The following PTPRM variants were observed in gnomAD, a reference collection of about 807,000 sequenced individuals.
PTPRM encodes the protein protein tyrosine phosphatase receptor type M.
In PTPRM, 47 loss-of-function variants were observed where a neutral mutation model predicts 186.7. The ratio of observed to expected loss-of-function variants is 0.25; its 90% CI spans 0.20 to 0.32. The LOEUF (loss-of-function observed/expected upper bound fraction) is 0.32, where lower values mean the gene tolerates loss of function less well. PTPRM is among the 10% of genes least tolerant of loss of function. PTPRM has a pLI of 1.00. For missense variants in PTPRM, 1,494 were observed against 1,865.0 expected (o/e 0.80, Z 3.66); for synonymous variants, 668 against 674.9 (o/e 0.99, Z 0.16).
intron 1 of PTPRM, among the ~76,000 whole-genome samples, chr18:7,717,390 T>G (rs2040358117): frequency 6.6e-6 from 1 of 152,118 alleles, no homozygotes; most frequent in Non-Finnish European, 1.5e-5. Context: ...ACGGCTGGAC[T>G]TGAGGGAAAG....
intron 1 of PTPRM, among the ~76,000 whole-genome samples, chr18:7,693,416 A>G (rs376244992): frequency 6.6e-6 from 1 of 152,190 alleles, no homozygotes; most frequent in African/African-American, 2.4e-5. Flanking sequence ...CCAAAGACCT[A>G]CCTTCCTACC....
rs202039623 is a variant in PTPRM at position 7,568,848 on chromosome 18, A to G, written c.73+957A>G. On this transcript the variant is annotated intron_variant, in intron 1 of 32. Transcript: ENST00000580170. The surrounding 1 kb of genome is among the most constrained non-coding windows in gnomAD (Gnocchi z 5.1). ...ACCCGGCACGCTGTCACAGGGGTTT[A>G]CAACCAGGATGACCTTTATTACCTG... Among the ~76,000 whole-genome samples the G allele has an allele frequency of 1.3e-5, 2 of 152,174 alleles. No homozygotes were observed. Among genetic ancestry groups the G allele is most frequent in the Non-Finnish European group, 1.5e-5 (1 of 68,034 alleles).
chr18:8,018,971 T>C (rs1228801994), intron 7 of PTPRM, among the ~76,000 whole-genome samples: 1 of 152,178 alleles, frequency 6.6e-6, no homozygotes, highest in African/African-American at 2.4e-5. Flanking sequence ...CCATCCGTAA[T>C]AACGACAGTA....
At chr18:7,753,251 ATTG>A (rs1473854270) in intron 1 of PTPRM, among the ~76,000 whole-genome samples, 2 of 152,158 alleles carry the variant, frequency 1.3e-5, no homozygotes, top group East Asian at 3.9e-4. Context: ...GTGTGTCCGT[ATTG>A]TTTTGATTGT....
intron 1 of PTPRM, among the ~76,000 whole-genome samples, chr18:7,758,976 CTG>C (rs1170851473): frequency 2.0e-5 from 3 of 152,118 alleles, no homozygotes; most frequent in African/African-American, 7.2e-5. Context: ...CGGAGGGAGT[CTG>C]TGATCAGGGA....
chr18:8,393,782 G>C (rs1355147123), intron 31 of PTPRM, among the ~76,000 whole-genome samples: 1 of 13,654 alleles, frequency 7.3e-5, no homozygotes, highest in African/African-American at 1.6e-4. Flanking sequence ...CAATGGATTT[G>C]TTGTTGTTGT....
Position 8,354,144 on chromosome 18 carries a change from C to T in PTPRM, c.3054+10624C>T, listed in dbSNP as rs572386172. ...AGGAGAATCGCTTGAACCCAGGAGG[C>T]GGAGGTTGCAGTGAGCCTAGATCGC... On this transcript the variant is annotated intron_variant, in intron 23 of 32. Coordinates refer to ENST00000580170, the MANE Select transcript of PTPRM (RefSeq NM_001105244.2). 9.9e-5 allele frequency among the ~76,000 whole-genome samples: 15 copies of T among 150,910 alleles called. No homozygotes were observed. The East Asian group carries it at 2.3e-3, about 24-fold the overall frequency.
At chr18:8,358,800 C>A (rs1209079575) in intron 23 of PTPRM, among the ~76,000 whole-genome samples, 2 of 152,174 alleles carry the variant, frequency 1.3e-5, no homozygotes, top group Non-Finnish European at 2.9e-5. Context: ...GTATGAGTGA[C>A]TGTTTCAGGA....
chr18:7,657,269 C>G (rs73387584), intron 1 of PTPRM, among the ~76,000 whole-genome samples: 5 of 152,002 alleles, frequency 3.3e-5, no homozygotes, highest in Non-Finnish European at 5.9e-5. Context: ...CAGTGAAGCC[C>G]GTGAACTGAC....
At chr18:8,183,626 TGTTAACCAATGGGAGGAATAAAATA>T (rs1216400129) in intron 14 of PTPRM, among the ~76,000 whole-genome samples, 12 of 152,176 alleles carry the variant, frequency 7.9e-5, no homozygotes, top group African/African-American at 1.9e-4. Context: ...CCAGGCACCG[TGTTAACCAATGGGAGGAATAAAATA>T]GTTAACCAAT....
chr18:8,376,344 T>C, intron 25 of PTPRM, 118 bp from the exon 26 acceptor site: 1 of 1,549,826 alleles, frequency 6.5e-7, no homozygotes, highest in Non-Finnish European at 8.8e-7. Flanking sequence ...CACTGGAGTG[T>C]ACCTTTTAAG....
chr18:7,625,041 C>CT (rs775006712), intron 1 of PTPRM, among the ~76,000 whole-genome samples: 1 of 152,088 alleles, frequency 6.6e-6, no homozygotes, highest in Non-Finnish European at 1.5e-5. Context: ...CTTTTTGCCT[C>CT]TAACAGAATT....
At chr18:7,884,924 CAAAAAAAA>C (rs56724615) in intron 2 of PTPRM, among the ~76,000 whole-genome samples, 154 of 37,832 alleles carry the variant, frequency 4.1e-3, no homozygotes, top group African/African-American at 0.013. Context: ...AGCTCCATCT[CAAAAAAAA>C]AAAAAAAAAA....
In PTPRM at chr18:8,376,069, G is replaced by A. The variant is rs1010177546; in HGVS notation, c.3195G>A (p.Glu1065=). 4.3e-6 allele frequency: 7 copies of A among 1,612,594 alleles called. No individual in the cohort carries two copies. The African/African-American group carries it at 6.7e-5, about 15-fold the overall frequency. Reference sequence around the variant, plus strand: ...AGAGAGGTGTGCATGAAATCCGAGAGATCAGACAGTTTCACTTCACTGGCT... The same window carrying A: ...AGAGAGGTGTGCATGAAATCCGAGAAATCAGACAGTTTCACTTCACTGGCT... ...VEKRGVHEIR[E]IRQFHFTGWP... is the part of the protein sequence containing the mutation. The change falls in exon 25 of 33, where the codon GAG becomes GAA. Residue 1065 remains glutamate (E), a synonymous_variant. Transcript: ENST00000580170.
intron 2 of PTPRM, among the ~76,000 whole-genome samples, chr18:7,850,632 A>G (rs940650662): frequency 3.9e-4 from 59 of 152,192 alleles, no homozygotes; most frequent in African/African-American, 1.3e-3. Context: ...CACTGTAGGA[A>G]TAAGAGTGAA....
At chr18:8,239,858 G>A (rs746652813) in intron 14 of PTPRM, among the ~76,000 whole-genome samples, 3 of 152,132 alleles carry the variant, frequency 2.0e-5, no homozygotes, top group Admixed American at 6.5e-5. Context: ...ATAGATATTC[G>A]TAAGAACCTT....
intron 19 of PTPRM, among the ~76,000 whole-genome samples, chr18:8,260,033 C>T (rs940977352): frequency 1.3e-5 from 2 of 152,086 alleles, no homozygotes; most frequent in Admixed American, 6.5e-5. Context: ...ACCTGGGGCT[C>T]GGTCATTTGT....
At chr18:7,824,512 T>C (rs189299262) in intron 2 of PTPRM, among the ~76,000 whole-genome samples, 1 of 152,306 alleles carries the variant, frequency 6.6e-6, no homozygotes, top group East Asian at 1.9e-4. Flanking sequence ...AAAATTACTT[T>C]TATTGCTCGT....
chr18:7,795,794 TTTTC>T (rs940127102), intron 2 of PTPRM, among the ~76,000 whole-genome samples: 7 of 150,316 alleles, frequency 4.7e-5, no homozygotes, highest in South Asian at 4.2e-4. Context: ...TTATCGCATT[TTTTC>T]TTTCTTTCTT....
Sources: gnomAD v4.1 joint callset for allele counts (sites outside exome capture counted in the v4.1 genomes callset) on GRCh38, gnomAD v4.1.1 for gene constraint, Gnocchi (gnomAD v3.1) non-coding constraint, MANE v1.5 for transcripts, NCBI Gene and HGNC (gene_info 2026-07-23, HGNC 2026-07-21) for gene names.